The following CROCC2 variants were observed in gnomAD, a reference collection of about 807,000 sequenced individuals.
CROCC2 encodes the protein ciliary rootlet coiled-coil protein 2.
CROCC2 carries 163 observed loss-of-function variants against 177.6 expected under a neutral mutation model. That is an observed-to-expected ratio of 0.92 (90% CI 0.81 to 1.05). The LOEUF (loss-of-function observed/expected upper bound fraction) is 1.05, where lower values mean the gene tolerates loss of function less well. Among genes scored for constraint, CROCC2 ranks in the 50% least tolerant of loss-of-function variants. The probability of loss-of-function intolerance (pLI) is 0.00; values close to 1 mark genes in which losing one functional copy is unlikely to be tolerated. For missense variants in CROCC2, 1,929 were observed against 1,797.8 expected, an observed-to-expected ratio of 1.07 and a Z score of -1.32; for synonymous variants, 904 against 787.3, an observed-to-expected ratio of 1.15 and a Z score of -2.48.
rs558224858 is a variant in CROCC2, at chr2:240,909,863, C to T, written c.78+3272C>T. ...CAGCTGTCCAGATGGGCAGCAGAAC[C>T]GTAGGGACACTCCACCCTCCAGCTA... On this transcript the variant is annotated intron_variant, in intron 1 of 31. Transcript: ENST00000690015. Among the ~76,000 whole-genome samples the T allele has an allele frequency of 3.9e-5, 6 of 152,256 alleles. No homozygotes were observed. In the South Asian group the frequency reaches 1.0e-3, roughly 26 times the overall value.
chr2:240,912,576 G>A (rs2059295347), intron 1 of CROCC2, among the ~76,000 whole-genome samples: 1 of 152,200 alleles, frequency 6.6e-6, no homozygotes, highest in Non-Finnish European at 1.5e-5. Context: ...CAGGCCCCTG[G>A]GCACACCAAC....
intron 20 of CROCC2, among the ~76,000 whole-genome samples, chr2:240,961,758 TGGCTCTCACACACACACACTCATCA>T (rs2059637470): frequency 1.7e-5 from 2 of 114,360 alleles, no homozygotes; most frequent in Admixed American, 9.9e-5. Context: ...ACACCTGCAC[TGGCTCTCACACACACACACTCATCA>T]CACACACGCA....
intron 1 of CROCC2, among the ~76,000 whole-genome samples, chr2:240,911,135 A>T (rs2106449031): frequency 6.6e-6 from 1 of 152,230 alleles, no homozygotes; most frequent in South Asian, 2.1e-4. Flanking sequence ...TGTCTCAAAA[A>T]AAATAAAATA....
At chr2:240,923,174 G>A (rs903540916) in intron 4 of CROCC2, among the ~76,000 whole-genome samples, 11 of 152,146 alleles carry the variant, frequency 7.2e-5, no homozygotes, top group East Asian at 1.9e-4. Context: ...TCCCTGCCAC[G>A]GGTCAACCTG....
chr2:240,911,002 G>A (rs1267028895), intron 1 of CROCC2, among the ~76,000 whole-genome samples: 2 of 151,928 alleles, frequency 1.3e-5, no homozygotes, highest in Non-Finnish European at 2.9e-5. Flanking sequence ...ATGATGGCAG[G>A]CGCCTGTAAT....
At chr2:240,990,793 A>G (rs1174046901) in intron 30 of CROCC2, among the ~76,000 whole-genome samples, 1 of 152,198 alleles carries the variant, frequency 6.6e-6, no homozygotes, top group African/African-American at 2.4e-5. Context: ...CATGTTGGCC[A>G]GCCTGGTCTC....
At chr2:240,976,579 T>G (rs78604122) in intron 27 of CROCC2, among the ~76,000 whole-genome samples, 1 of 83,286 alleles carries the variant, frequency 1.2e-5, no homozygotes, top group Non-Finnish European at 2.3e-5. Context: ...AGCCTCAGGA[T>G]CCCAGGCTTA....
chr2:240,967,468 G>T lies in CROCC2; in HGVS notation c.4267+3G>T. ...AGCCCTGGCTGAGGCGGAAGAAGGTGACCTCCCTTGCCCTGCCCCGCCCAC... is the reference window on the plus strand; with the variant it reads ...AGCCCTGGCTGAGGCGGAAGAAGGTTACCTCCCTTGCCCTGCCCCGCCCAC... On this transcript the variant is annotated splice_donor_region_variant and intron_variant, in intron 26 of 31. Transcript: ENST00000690015. The T allele has an allele frequency of 1.2e-5, 19 of 1,524,194 alleles. No homozygotes were observed. The highest frequency in any genetic ancestry group is 1.7e-5 in the Non-Finnish European group (19 of 1,123,196). 94.4% of individuals were successfully genotyped at this position (1,524,194 alleles called of 1,614,324 possible). A position where few individuals can be genotyped will look rare whatever the true frequency, so the allele number is the denominator to read the frequency against.
At chr2:240,952,555 A>G (rs1038633506) in intron 18 of CROCC2, among the ~76,000 whole-genome samples, 3 of 152,190 alleles carry the variant, frequency 2.0e-5, no homozygotes, top group African/African-American at 7.2e-5. Context: ...CTGCCCCACT[A>G]CTCACATCCT....
chr2:240,942,569 T>C (rs1469991441), intron 14 of CROCC2, among the ~76,000 whole-genome samples: 4 of 152,258 alleles, frequency 2.6e-5, no homozygotes, highest in African/African-American at 7.2e-5. Flanking sequence ...TTTTTGTAGA[T>C]ATAATTCATA....
rs558648132 is a variant in CROCC2 at position 240,953,002 on chromosome 2, C to G, written c.2829+2492C>G. ...AGTGGGTGGCCCGTCAAGGCCCCCA[C>G]GCAGCCCCTCATTCCCATCCGAGAC... On this transcript the variant is annotated intron_variant, in intron 18 of 31. Transcript: ENST00000690015. This position sits in a 1 kb window ranked among gnomAD's most constrained non-coding sequence, Gnocchi z 4.0. Among the ~76,000 whole-genome samples, 2 of 152,168 alleles carry G rather than the reference C, an allele frequency of 1.3e-5. No individual in the cohort carries two copies.
intron 27 of CROCC2, among the ~76,000 whole-genome samples, chr2:240,976,172 A>G (rs12990685): frequency 0.41 from 48,065 of 118,312 alleles, 9,006 homozygotes; most frequent in East Asian, 0.57. Context: ...GGAGCCTCAG[A>G]AGCCCAGGCT....
Position 240,951,273 on chromosome 2 carries a change from G to GTCCATCCATTCACCCA in CROCC2, c.2829+774_2829+789dup, listed in dbSNP as rs2059554690. Among the ~76,000 whole-genome samples, 12 of 145,102 alleles carry GTCCATCCATTCACCCA rather than the reference G, an allele frequency of 8.3e-5. No homozygotes were observed. The South Asian group carries it at 2.7e-3, about 33-fold the overall frequency. On this transcript the variant is annotated intron_variant, in intron 18 of 31. Coordinates refer to ENST00000690015, the MANE Select transcript of CROCC2 (RefSeq NM_001351305.2). Reference sequence around the variant, plus strand: ...CATCCATTCATTCATCCATCCGTCTGTCCATCCATTCACCCATCCATCCAT... The same window carrying GTCCATCCATTCACCCA: ...CATCCATTCATTCATCCATCCGTCTGTCCATCCATTCACCCATCCATCCATTCACCCATCCATCCAT...
chr2:240,991,093 T>C, intron 30 of CROCC2, 103 bp from the exon 31 acceptor site: 4 of 784,926 alleles, frequency 5.1e-6, no homozygotes, highest in Non-Finnish European at 7.7e-6. Flanking sequence ...CTGTGGACCA[T>C]GGCCTCCAGC....
At chr2:240,962,464 C>G (rs1304685200) in intron 20 of CROCC2, among the ~76,000 whole-genome samples, 1 of 152,114 alleles carries the variant, frequency 6.6e-6, no homozygotes, top group South Asian at 2.1e-4. Flanking sequence ...ATGCTCAGCA[C>G]GGTCATGGCT....
In CROCC2 at chr2:240,907,423, C is replaced by T. The variant is rs566992626; in HGVS notation, c.78+832C>T. Among the ~76,000 whole-genome samples the T allele has an allele frequency of 6.6e-5, 10 of 152,246 alleles. No individual in the cohort carries two copies. In the East Asian group the frequency reaches 9.7e-4, roughly 15 times the overall value. ...CACAGCCAGGCGGCCCCACCTCCAA[C>T]GGACCCCTCGGGACCCCAGGGAACC... On this transcript the variant is annotated intron_variant, in intron 1 of 31. Coordinates refer to ENST00000690015, the MANE Select transcript of CROCC2 (RefSeq NM_001351305.2).
intron 18 of CROCC2, chr2:240,955,224 T>C (rs1477129844): frequency 2.0e-5 from 3 of 152,152 alleles, no homozygotes; most frequent in Non-Finnish European, 4.4e-5. Flanking sequence ...TTTGTTGCCA[T>C]TACAGCAATG....
At chr2:240,934,104 G>A (rs2059451496) in intron 11 of CROCC2, among the ~76,000 whole-genome samples, 1 of 152,040 alleles carries the variant, frequency 6.6e-6, no homozygotes, top group Non-Finnish European at 1.5e-5. Flanking sequence ...CATCAGATGT[G>A]GGGCCCCACC....
At chr2:240,991,566 C>G (rs969827485) in intron 31 of CROCC2, among the ~76,000 whole-genome samples, 2 of 152,356 alleles carry the variant, frequency 1.3e-5, no homozygotes, top group African/African-American at 4.8e-5. Flanking sequence ...GCTCCTCCCA[C>G]CCCTGGAGAC....
Sources: gnomAD v4.1 joint callset for allele counts (sites outside exome capture counted in the v4.1 genomes callset) on GRCh38, gnomAD v4.1.1 for gene constraint, Gnocchi (gnomAD v3.1) non-coding constraint, MANE v1.5 for transcripts, NCBI Gene and HGNC (gene_info 2026-07-23, HGNC 2026-07-21) for gene names.